Variants in DLG1 observed in about 807,000 individuals in gnomAD.
The protein encoded by DLG1 is discs large MAGUK scaffold protein 1, also known as disks large homolog 1.
In DLG1, 42 loss-of-function variants were observed where a neutral mutation model predicts 123.4. The ratio of observed to expected loss-of-function variants is 0.34; its 90% CI spans 0.27 to 0.44. The LOEUF (loss-of-function observed/expected upper bound fraction) is 0.44, where lower values mean the gene tolerates loss of function less well. Ranked by LOEUF, DLG1 falls within the 20% of genes least tolerant of loss-of-function variation. The pLI is 1.00. For missense variants in DLG1, 942 were observed against 1,082.6 expected (o/e 0.87, Z 1.82); for synonymous variants, 317 against 356.2 (o/e 0.89, Z 1.24).
intron 4 of DLG1, among the ~76,000 whole-genome samples, chr3:197,238,212 C>T (rs536949984): frequency 1.7e-4 from 26 of 152,184 alleles, no homozygotes; most frequent in African/African-American, 5.3e-4. Flanking sequence ...TAAGATCTAG[C>T]GTCTCATAAT....
chr3:197,134,472 C>CAAAAAAAAAAAAAAAAAAAAAAAAAA (rs11319273), intron 10 of DLG1, among the ~76,000 whole-genome samples: 1 of 96,578 alleles, frequency 1.0e-5, no homozygotes, highest in African/African-American at 3.9e-5. Context: ...TTCATAATAC[C>CAAAAAAAAAAAAAAAAAAAAAAAAAA]AAAAAAAAAA....
At chr3:197,206,599 T>C (rs1407742573) in intron 4 of DLG1, among the ~76,000 whole-genome samples, 1 of 152,194 alleles carries the variant, frequency 6.6e-6, no homozygotes, top group Non-Finnish European at 1.5e-5. Context: ...TGATTTATAG[T>C]ATCTTTCTAT....
chr3:197,282,506 G>C, intron 4 of DLG1, 173 bp downstream of exon 4: 1 of 415,950 alleles, frequency 2.4e-6, no homozygotes, highest in East Asian at 3.8e-5. Flanking sequence ...CAGAGAATCT[G>C]AGCTTTGCTT....
intron 5 of DLG1, chr3:197,183,949 G>A: frequency 7.0e-7 from 1 of 1,428,632 alleles, no homozygotes. Context: ...GAGAAATGAT[G>A]CTCATTTTCT....
chr3:197,245,038 T>C (rs1000620682), intron 4 of DLG1, among the ~76,000 whole-genome samples: 4 of 152,176 alleles, frequency 2.6e-5, no homozygotes, highest in African/African-American at 7.2e-5. Context: ...TTCGGACCTT[T>C]AATAAGGCAA....
At chr3:197,230,165 T>C (rs985649259) in intron 4 of DLG1, among the ~76,000 whole-genome samples, 1 of 152,200 alleles carries the variant, frequency 6.6e-6, no homozygotes, top group Non-Finnish European at 1.5e-5. Flanking sequence ...TTCTCAGTAC[T>C]GTATAACAAA....
chr3:197,066,276 T>C (rs954969456), intron 20 of DLG1, among the ~76,000 whole-genome samples: 1 of 152,000 alleles, frequency 6.6e-6, no homozygotes, highest in Admixed American at 6.6e-5. Flanking sequence ...TGGAGATTGG[T>C]AGTGAGACTG....
intron 4 of DLG1, among the ~76,000 whole-genome samples, chr3:197,204,246 T>C (rs1727384303): frequency 6.6e-6 from 1 of 152,210 alleles, no homozygotes; most frequent in Non-Finnish European, 1.5e-5. Flanking sequence ...TACGAAACAC[T>C]ATTCTTTTTG....
chr3:197,242,188 A>G (rs1749257829), intron 4 of DLG1, among the ~76,000 whole-genome samples: 1 of 152,174 alleles, frequency 6.6e-6, no homozygotes, highest in South Asian at 2.1e-4. Context: ...AGACTGTAAA[A>G]AAAAGACAAA....
At chr3:197,145,972 A>C (rs2149709115) in intron 6 of DLG1, among the ~76,000 whole-genome samples, 1 of 152,110 alleles carries the variant, frequency 6.6e-6, no homozygotes, top group Admixed American at 6.5e-5. Context: ...CCTGGGCAAC[A>C]AACAGAGTGA....
intron 14 of DLG1, among the ~76,000 whole-genome samples, chr3:197,093,460 C>A (rs1255953897): frequency 6.6e-6 from 1 of 152,070 alleles, no homozygotes; most frequent in Non-Finnish European, 1.5e-5. Flanking sequence ...CATTTCTCTT[C>A]TTTCTTAAAC....
At position 197,065,353 on chromosome 3, in the gene DLG1, T is replaced by C. The variant is rs751977122; in HGVS notation, c.2296A>G (p.Lys766Glu). 2.5e-6 allele frequency: 4 copies of C among 1,613,438 alleles called. No individual in the cohort carries two copies. Among genetic ancestry groups the C allele is most frequent in the Non-Finnish European group, 3.4e-6 (4 of 1,179,820 alleles). Residue 766 changes from lysine to glutamate, a missense_variant, in exon 22 of 25, where the codon AAA becomes GAA. Physicochemically the swap from Lys to Glu is moderately conservative, Grantham distance 56. Coordinates refer to ENST00000667157, the MANE Select transcript of DLG1 (RefSeq NM_001366207.1). ...EQMEKDIQEH[K>E]FIEAGQYNNH... ...TTATACTGGCCAGCTTCAATGAATT[T>C]ATGTTCCTGGATATCTTTTTCCATC...
intron 12 of DLG1, among the ~76,000 whole-genome samples, chr3:197,116,327 G>GAA (rs143093283): frequency 1.3e-5 from 2 of 151,294 alleles, no homozygotes; most frequent in Non-Finnish European, 3.0e-5. Flanking sequence ...AACCAAAACA[G>GAA]AAAAAAAACG....
At chr3:197,112,833 C>T (rs369795351) in intron 13 of DLG1, among the ~76,000 whole-genome samples, 3 of 152,088 alleles carry the variant, frequency 2.0e-5, no homozygotes, top group African/African-American at 4.8e-5. Flanking sequence ...TGGCCTCAGG[C>T]GATCCACCTG....
intron 4 of DLG1, among the ~76,000 whole-genome samples, chr3:197,232,004 T>C (rs780251751): frequency 3.9e-5 from 6 of 152,046 alleles, no homozygotes; most frequent in Non-Finnish European, 8.8e-5. Context: ...GCAATGTACA[T>C]GGTCACAATG....
intron 22 of DLG1, among the ~76,000 whole-genome samples, chr3:197,062,356 T>C (rs1736429806): frequency 6.6e-6 from 1 of 152,224 alleles, no homozygotes; most frequent in Non-Finnish European, 1.5e-5. Flanking sequence ...GTACTTGAAG[T>C]ATGGCTGCGA....
chr3:197,122,394 A>C (rs1220912830), intron 11 of DLG1, among the ~76,000 whole-genome samples: 2 of 152,128 alleles, frequency 1.3e-5, no homozygotes, highest in Non-Finnish European at 2.9e-5. Context: ...GTTTGTGAAC[A>C]TGACAGTGAT....
At chr3:197,288,775 A>ATACATACATACATAC (rs1560172780) in intron 3 of DLG1, among the ~76,000 whole-genome samples, 8 of 112,440 alleles carry the variant, frequency 7.1e-5, no homozygotes, top group African/African-American at 1.9e-4. Context: ...TACATACATA[A>ATACATACATACATAC]AATGGTAGAA....
At chr3:197,067,213 T>C (rs181714789) in intron 19 of DLG1, among the ~76,000 whole-genome samples, 71 of 152,164 alleles carry the variant, frequency 4.7e-4, no homozygotes, top group African/African-American at 1.7e-3. Flanking sequence ...TTAAAATAAT[T>C]ACATCTTAAA....
Sources: allele counts gnomAD v4.1 joint callset (sites outside exome capture counted in the v4.1 genomes callset), GRCh38; gene constraint gnomAD v4.1.1; transcripts MANE v1.5; gene names NCBI Gene and HGNC (gene_info 2026-07-23, HGNC 2026-07-21).